FNTB: variants seen among roughly 807,000 people sequenced by gnomAD.
The protein encoded by FNTB is protein farnesyltransferase subunit beta.
Under a neutral mutation model 59.4 loss-of-function variants are expected in FNTB, and 27 were observed. The observed-to-expected ratio is 0.45, with a 90% CI of 0.34 to 0.63. FNTB has a LOEUF of 0.63. Among genes scored for constraint, FNTB ranks in the 20% least tolerant of loss-of-function variants. The pLI, the probability that FNTB is intolerant of heterozygous loss-of-function variation, is 0.02. For missense variants in FNTB, 449 were observed against 559.6 expected (o/e 0.80, Z 1.99); for synonymous variants, 230 against 220.7 (o/e 1.04, Z -0.37).
intron 1 of FNTB, among the ~76,000 whole-genome samples, chr14:65,000,644 C>T (rs1388804020): frequency 2.6e-5 from 4 of 151,598 alleles, no homozygotes; most frequent in African/African-American, 9.7e-5. Flanking sequence ...CATGGTGAAA[C>T]CCCTTCTCTA....
At position 65,061,669 on chromosome 14, in the gene FNTB, C is replaced by T. The variant is rs1053921104; in HGVS notation, c.*357C>T. The T allele has an allele frequency of 9.8e-6, 2 of 204,226 alleles. No individual in the cohort carries two copies. The highest frequency in any genetic ancestry group is 1.0e-4 in the Admixed American group (2 of 19,696). 12.7% of individuals were successfully genotyped at this position (204,226 alleles called of 1,614,324 possible). The stretch of plus-strand genomic sequence containing the variant: ...ACGGCATCCAGAGCCACTGCTGACT[C>T]CCACTTGCACGCCACCATTCAGTCA... On this transcript the variant is annotated 3_prime_UTR_variant, in exon 12 of 12. Coordinates refer to ENST00000246166, the MANE Select transcript of FNTB (RefSeq NM_002028.4).
chr14:65,055,256 G>A (rs1176378164), intron 11 of FNTB, among the ~76,000 whole-genome samples: 4 of 152,230 alleles, frequency 2.6e-5, no homozygotes, highest in Admixed American at 6.5e-5. Context: ...GCTCACTGCT[G>A]CAGCCAGCTG....
In FNTB at chr14:65,054,736, C is replaced by T. The variant is rs368990812; in HGVS notation, c.1182+47C>T. 1.3e-4 allele frequency: 201 copies of T among 1,551,510 alleles called. 1 individual carries two copies. The highest frequency in any genetic ancestry group is 5.1e-5 in the Non-Finnish European group (58 of 1,143,136). On this transcript the variant is annotated intron_variant, in intron 11 of 11. Coordinates refer to ENST00000246166, the MANE Select transcript of FNTB (RefSeq NM_002028.4). The surrounding 1 kb of genome is among the most constrained non-coding windows in gnomAD (Gnocchi z 4.4). Reference sequence around the variant, plus strand: ...ACACCCCTTCTCCACAGGGACCTCGCGGACAGAAGGCTTTCCAAGTAAGCA... The same window carrying T: ...ACACCCCTTCTCCACAGGGACCTCGTGGACAGAAGGCTTTCCAAGTAAGCA...
rs935577147 is a variant in FNTB at position 64,997,854 on chromosome 14, A to G, written c.145-6395A>G. ...GAGGCAAATGGAGATTTCCTTTTAT[A>G]GATGTAATTTTCCCTTACAAATGAG... On this transcript the variant is annotated intron_variant, in intron 1 of 11. Transcript: ENST00000246166. This position sits in a 1 kb window ranked among gnomAD's most constrained non-coding sequence, Gnocchi z 4.5. 6.6e-6 allele frequency among the ~76,000 whole-genome samples: 1 copy of G among 152,210 alleles called. No individual in the cohort carries two copies. The highest frequency in any genetic ancestry group is 1.5e-5 in the Non-Finnish European group (1 of 68,038).
chr14:65,044,710 T>C lies in FNTB; in HGVS notation c.955+267T>C. The C allele has an allele frequency of 2.1e-6, 1 of 484,138 alleles. No individual in the cohort carries two copies. Among genetic ancestry groups the C allele is most frequent in the Non-Finnish European group, 3.5e-6 (1 of 285,396 alleles). The allele number at this position is 484,138 out of a possible 1,614,324, so 30.0% of individuals were successfully genotyped here. On this transcript the variant is annotated intron_variant, in intron 9 of 11. Transcript: ENST00000246166. This position sits in a 1 kb window ranked among gnomAD's most constrained non-coding sequence, Gnocchi z 5.5. ...ATTGCTACGGGGAGCGGGGAGGAAG[T>C]GGGCGCTGCTTCTGCGTTATCTGGA...
intron 2 of FNTB, among the ~76,000 whole-genome samples, chr14:65,005,475 TTCTTTCTTTC>T (rs2061568431): frequency 7.4e-6 from 1 of 134,280 alleles, no homozygotes; most frequent in Admixed American, 7.4e-5. Context: ...CTTTCTTTCT[TTCTTTCTTTC>T]TTTCTTTCTT....
At position 65,012,863 on chromosome 14, in the gene FNTB, CAAA is replaced by C. The variant is rs1473223590; in HGVS notation, c.282+478_282+480del. ...ACTTTTCATATCTTCATTAAAGAGA[CAAA>C]AAACCCTTTCTTGTAATAAGATCTA... On this transcript the variant is annotated intron_variant, in intron 3 of 11. Coordinates refer to ENST00000246166, the MANE Select transcript of FNTB (RefSeq NM_002028.4). This position sits in a 1 kb window ranked among gnomAD's most constrained non-coding sequence, Gnocchi z 5.0. Among the ~76,000 whole-genome samples, 1 of 152,166 alleles carries C rather than the reference CAAA, an allele frequency of 6.6e-6. No individual in the cohort carries two copies. Among genetic ancestry groups the C allele is most frequent in the Non-Finnish European group, 1.5e-5 (1 of 68,026 alleles).
intron 9 of FNTB, among the ~76,000 whole-genome samples, chr14:65,052,150 T>A (rs1791876931): frequency 6.6e-6 from 1 of 152,226 alleles, no homozygotes; most frequent in African/African-American, 2.4e-5. Context: ...CAGTTCTTTT[T>A]ATGATACAGT....
chr14:65,020,754 C>T (rs1165231564), intron 4 of FNTB, among the ~76,000 whole-genome samples: 12 of 73,570 alleles, frequency 1.6e-4, no homozygotes, highest in South Asian at 4.2e-4. Flanking sequence ...TTTTTTGAGA[C>T]GGAGTTTTGC....
At chr14:65,055,492 T>C (rs550406056) in intron 11 of FNTB, among the ~76,000 whole-genome samples, 4 of 152,304 alleles carry the variant, frequency 2.6e-5, no homozygotes, top group African/African-American at 9.6e-5. Flanking sequence ...CCTTCCTTTT[T>C]TGTTTAAAAA....
At chr14:65,008,521 TGAGA>T (rs1261911634) in intron 2 of FNTB, among the ~76,000 whole-genome samples, 1 of 152,226 alleles carries the variant, frequency 6.6e-6, no homozygotes, top group Non-Finnish European at 1.5e-5. Context: ...TGGGATAATT[TGAGA>T]GAGAGAATCA....
In FNTB at chr14:65,014,705, T is replaced by G. The variant is rs559975554; in HGVS notation, c.283-920T>G. Among the ~76,000 whole-genome samples the G allele has an allele frequency of 2.6e-5, 4 of 152,196 alleles. No individual in the cohort carries two copies. Among genetic ancestry groups the G allele is most frequent in the African/African-American group, 9.6e-5 (4 of 41,542 alleles). On this transcript the variant is annotated intron_variant, in intron 3 of 11. Transcript: ENST00000246166. The surrounding 1 kb of genome is among the most constrained non-coding windows in gnomAD (Gnocchi z 5.1). ...GGTGTGTGCCCGTAGTCCCAGCTAC[T>G]TAGGAGGCTGAGGTGGGAGGATTGC... is the stretch of plus-strand genomic sequence containing the variant.
At chr14:65,021,473 G>A (rs1443973492) in intron 4 of FNTB, among the ~76,000 whole-genome samples, 1 of 151,974 alleles carries the variant, frequency 6.6e-6, no homozygotes, top group Non-Finnish European at 1.5e-5. Flanking sequence ...TTACCTTTCA[G>A]TGAGGACACC....
intron 1 of FNTB, among the ~76,000 whole-genome samples, chr14:65,002,681 A>G (rs1198492792): frequency 6.6e-6 from 1 of 152,156 alleles, no homozygotes; most frequent in Non-Finnish European, 1.5e-5. Context: ...TCATAGGGTC[A>G]CCTGATGAGG....
At position 65,044,172 on chromosome 14, in the gene FNTB, C is replaced by A; in HGVS notation, c.823-139C>A. On this transcript the variant is annotated intron_variant, in intron 8 of 11. Coordinates refer to ENST00000246166, the MANE Select transcript of FNTB (RefSeq NM_002028.4). This position sits in a 1 kb window ranked among gnomAD's most constrained non-coding sequence, Gnocchi z 5.5. ...AGTGTGGGGAGGGAAGGAAAGAAAACCAGAGCACCAAAACTAGAGTGCCAA... is the reference window on the plus strand; with the variant it reads ...AGTGTGGGGAGGGAAGGAAAGAAAAACAGAGCACCAAAACTAGAGTGCCAA... 2.0e-6 allele frequency: 3 copies of A among 1,464,568 alleles called. No homozygotes were observed. Among genetic ancestry groups the A allele is most frequent in the Non-Finnish European group, 9.4e-7 (1 of 1,067,658 alleles). The allele number at this position is 1,464,568 out of a possible 1,614,324, so 90.7% of individuals were successfully genotyped here.
chr14:65,026,582 G>A (rs1446206366), intron 4 of FNTB, among the ~76,000 whole-genome samples: 7 of 152,152 alleles, frequency 4.6e-5, no homozygotes, highest in Non-Finnish European at 2.9e-5. Context: ...TTTTTCAGCC[G>A]GATGCAGTGG....
rs116193257 is a variant in FNTB, at chr14:65,007,855, A to G, written c.209+3542A>G. 8.0e-3 allele frequency among the ~76,000 whole-genome samples: 1,225 copies of G among 152,310 alleles called. 18 individuals are homozygous for G. The highest frequency in any genetic ancestry group is 0.027 in the African/African-American group (1,134 of 41,556). ...TTTTAAATTTGTTTTCTCCTGGGCA[A>G]GGAGACGGGTGCTCCTCAGAAGTGA... On this transcript the variant is annotated intron_variant, in intron 2 of 11. Transcript: ENST00000246166. This position sits in a 1 kb window ranked among gnomAD's most constrained non-coding sequence, Gnocchi z 4.9.
chr14:65,027,573 C>G lies in FNTB; in HGVS notation c.495C>G (p.Thr165=), dbSNP rs780656923. 5.6e-6 allele frequency: 9 copies of G among 1,614,002 alleles called. No homozygotes were observed. The highest frequency in any genetic ancestry group is 7.6e-6 in the Non-Finnish European group (9 of 1,180,016). The change falls in exon 5 of 12, where the codon ACC becomes ACG. Residue 165 remains threonine, a synonymous_variant. Transcript: ENST00000246166. The surrounding 1 kb of genome is among the most constrained non-coding windows in gnomAD (Gnocchi z 5.7). The part of the protein sequence containing the change: ...AAVNALCIIG[T]EEAYDIINRE... The stretch of plus-strand genomic sequence containing the variant: ...TCAATGCATTGTGCATCATTGGCAC[C>G]GAGGAGGCCTATGACATCATTAACA...
chr14:65,032,405 C>A lies in FNTB; in HGVS notation c.606-205C>A, dbSNP rs145459202. 894 of 472,644 alleles carry A rather than the reference C, an allele frequency of 1.9e-3. 1 individual carries two copies. The highest frequency in any genetic ancestry group is 2.8e-3 in the Non-Finnish European group (749 of 268,192). The allele number at this position is 472,644 out of a possible 1,614,324, so 29.3% of individuals were successfully genotyped here. On this transcript the variant is annotated intron_variant, in intron 6 of 11. Transcript: ENST00000246166. The surrounding 1 kb of genome is among the most constrained non-coding windows in gnomAD (Gnocchi z 5.0). Reference sequence around the variant, plus strand: ...GAGAATAGAATGTCATGTTCTTTCACTGAAGCCATGCCGTGAGCAACTCTA... The same window carrying A: ...GAGAATAGAATGTCATGTTCTTTCAATGAAGCCATGCCGTGAGCAACTCTA...
Sources: gnomAD v4.1 joint callset for allele counts (sites outside exome capture counted in the v4.1 genomes callset) on GRCh38, gnomAD v4.1.1 for gene constraint, Gnocchi (gnomAD v3.1) non-coding constraint, MANE v1.5 for transcripts, NCBI Gene and HGNC (gene_info 2026-07-23, HGNC 2026-07-21) for gene names.